Variants in KLHL32 observed in about 807,000 individuals in gnomAD.
KLHL32 encodes kelch-like protein 32.
A neutral mutation model predicts 64.8 loss-of-function variants in KLHL32; 35 were observed. The ratio of observed to expected loss-of-function variants is 0.54; its 90% CI spans 0.41 to 0.72. The LOEUF is 0.72. KLHL32 is among the 30% of genes least tolerant of loss of function. KLHL32 has a pLI of 0.00. For missense variants in KLHL32, 589 were observed against 768.5 expected (o/e 0.77, Z 2.76); for synonymous variants, 259 against 281.0 (o/e 0.92, Z 0.78).
intron 1 of KLHL32, among the ~76,000 whole-genome samples, chr6:96,958,506 G>A (rs1279913638): frequency 2.6e-5 from 4 of 152,208 alleles, no homozygotes; most frequent in African/African-American, 9.6e-5. Flanking sequence ...GAGTATGTCT[G>A]TATGACTGTA....
At chr6:97,092,311 TG>T (rs1326489490) in intron 6 of KLHL32, among the ~76,000 whole-genome samples, 1 of 152,188 alleles carries the variant, frequency 6.6e-6, no homozygotes, top group African/African-American at 2.4e-5. Flanking sequence ...TACATGCATG[TG>T]TTGTTACTAT....
intron 4 of KLHL32, among the ~76,000 whole-genome samples, chr6:97,042,942 G>T (rs139104885): frequency 6.6e-6 from 1 of 152,310 alleles, no homozygotes; most frequent in African/African-American, 2.4e-5. Flanking sequence ...CAGGGTGTGA[G>T]TGAGTTCTCA....
At chr6:97,120,648 G>T (rs2128215807) in intron 7 of KLHL32, among the ~76,000 whole-genome samples, 1 of 152,314 alleles carries the variant, frequency 6.6e-6, no homozygotes, top group South Asian at 2.1e-4. Context: ...CTGAAGATTT[G>T]CTTGAGGGAG....
chr6:96,936,877 TCCTGC>T (rs1488464734), intron 1 of KLHL32, among the ~76,000 whole-genome samples: 1 of 152,170 alleles, frequency 6.6e-6, no homozygotes, highest in African/African-American at 2.4e-5. Flanking sequence ...ATGCCCTGCC[TCCTGC>T]CTACCCGCAG....
At chr6:97,017,733 A>G (rs968824461) in intron 3 of KLHL32, among the ~76,000 whole-genome samples, 3 of 152,166 alleles carry the variant, frequency 2.0e-5, no homozygotes, top group African/African-American at 7.2e-5. Context: ...TCCCACTTGT[A>G]TCTAGGTGGG....
At chr6:97,126,316 G>T (rs1388134643) in intron 7 of KLHL32, among the ~76,000 whole-genome samples, 1 of 150,948 alleles carries the variant, frequency 6.6e-6, no homozygotes, top group Non-Finnish European at 1.5e-5. Flanking sequence ...ATATCTATTG[G>T]TGATATTTTC....
At position 97,118,700 on chromosome 6, in the gene KLHL32, G is replaced by C. The variant is rs1032838005; in HGVS notation, c.1354+4191G>C. On this transcript the variant is annotated intron_variant, in intron 7 of 10. Transcript: ENST00000369261. ...CAGAGGCTGAGTTGTGGTGCACTGAGACCACAGACCGTGGTCACACACACA... is the reference window on the plus strand; with the variant it reads ...CAGAGGCTGAGTTGTGGTGCACTGACACCACAGACCGTGGTCACACACACA... 2.6e-5 allele frequency among the ~76,000 whole-genome samples: 4 copies of C among 151,344 alleles called. No homozygotes were observed. In the East Asian group the frequency reaches 7.8e-4, roughly 29 times the overall value.
chr6:97,088,524 G>A (rs1048477565), intron 6 of KLHL32, among the ~76,000 whole-genome samples: 2 of 152,132 alleles, frequency 1.3e-5, no homozygotes, highest in African/African-American at 4.8e-5. Context: ...TCTTACCATA[G>A]GAGCTGGGGA....
At chr6:96,931,045 A>G (rs1311514924) in intron 1 of KLHL32, among the ~76,000 whole-genome samples, 1 of 152,204 alleles carries the variant, frequency 6.6e-6, no homozygotes. Context: ...CTTGACAACT[A>G]GAAGTTTCCC....
intron 4 of KLHL32, among the ~76,000 whole-genome samples, chr6:97,057,136 A>T (rs1788073465): frequency 6.6e-6 from 1 of 151,024 alleles, no homozygotes; most frequent in Admixed American, 6.6e-5. Flanking sequence ...ATCTAACAAA[A>T]TATGTACAAA....
At chr6:97,080,346 T>C (rs1003692896) in intron 5 of KLHL32, among the ~76,000 whole-genome samples, 3 of 152,206 alleles carry the variant, frequency 2.0e-5, no homozygotes, top group African/African-American at 7.2e-5. Context: ...TGGAAAGACA[T>C]GGGCTATTCT....
At chr6:97,004,354 A>T (rs1779405804) in intron 3 of KLHL32, among the ~76,000 whole-genome samples, 1 of 152,190 alleles carries the variant, frequency 6.6e-6, no homozygotes, top group African/African-American at 2.4e-5. Context: ...GAGGTTGTTT[A>T]TCAGATGTCA....
At chr6:96,949,443 A>G (rs1236865634) in intron 1 of KLHL32, among the ~76,000 whole-genome samples, 2 of 152,116 alleles carry the variant, frequency 1.3e-5, no homozygotes, top group Non-Finnish European at 1.5e-5. Context: ...TAATGTTGCC[A>G]CCATCTACCC....
At chr6:96,988,377 A>G (rs1284701903) in intron 3 of KLHL32, among the ~76,000 whole-genome samples, 3 of 152,220 alleles carry the variant, frequency 2.0e-5, no homozygotes, top group African/African-American at 7.2e-5. Context: ...TGGCCATCAG[A>G]GAAATGCAAA....
At chr6:97,041,293 G>T in intron 3 of KLHL32, among the ~76,000 whole-genome samples, 199 bp from the exon 4 acceptor site, 1 of 152,230 alleles carries the variant, frequency 6.6e-6, no homozygotes, top group Non-Finnish European at 1.5e-5. Flanking sequence ...GCCATCCTGT[G>T]TGTGTTGTTA....
At chr6:97,097,611 C>T (rs766811722) in intron 6 of KLHL32, among the ~76,000 whole-genome samples, 1 of 150,016 alleles carries the variant, frequency 6.7e-6, no homozygotes, top group African/African-American at 2.5e-5. Context: ...CACTCGGTGA[C>T]CTTCACAGCA....
chr6:96,911,811 C>T, the KLHL32 span, among the ~76,000 whole-genome samples: 4 of 133,482 alleles, frequency 3.0e-5, no homozygotes, highest in African/African-American at 1.1e-4. Context: ...ATATATCTCC[C>T]TGCTCGGTCC....
At position 97,107,154 on chromosome 6, in the gene KLHL32, G is replaced by A. The variant is rs536291934; in HGVS notation, c.628-6629G>A. 4.6e-5 allele frequency among the ~76,000 whole-genome samples: 7 copies of A among 152,118 alleles called. No homozygotes were observed. In the South Asian group the frequency reaches 6.2e-4, roughly 14 times the overall value. The stretch of plus-strand genomic sequence containing the variant: ...TAAAAATACAAAAAATTAGCTGGGC[G>A]TGGTGGCAGGTGCCTGTAGTCCCAG... On this transcript the variant is annotated intron_variant, in intron 6 of 10. Transcript: ENST00000369261.
At chr6:97,070,041 T>A (rs1046391419) in intron 5 of KLHL32, among the ~76,000 whole-genome samples, 1 of 152,016 alleles carries the variant, frequency 6.6e-6, no homozygotes, top group Admixed American at 6.6e-5. Flanking sequence ...GGAGAAGTTA[T>A]AACTCATGTT....
Sources: gnomAD v4.1 joint callset for allele counts (sites outside exome capture counted in the v4.1 genomes callset) on GRCh38, gnomAD v4.1.1 for gene constraint, MANE v1.5 for transcripts, NCBI Gene and HGNC (gene_info 2026-07-23, HGNC 2026-07-21) for gene names.